The following GOLM2 variants were observed in gnomAD, a reference collection of about 807,000 sequenced individuals.
GOLM2 encodes golgi membrane protein 2.
GOLM2 carries 26 observed loss-of-function variants against 55.9 expected under a neutral mutation model. The observed-to-expected ratio is 0.47, with a 90% CI of 0.34 to 0.65. The LOEUF (loss-of-function observed/expected upper bound fraction) is 0.65, where lower values mean the gene tolerates loss of function less well. Ranked by LOEUF, GOLM2 falls within the 30% of genes least tolerant of loss-of-function variation. The pLI, the probability that GOLM2 is intolerant of heterozygous loss-of-function variation, is 0.01. For synonymous variants in GOLM2, 165 were observed against 194.6 expected (o/e 0.85, Z 1.27); for missense variants, 486 against 531.8 (o/e 0.91, Z 0.85).
At chr15:44,358,733 C>T (rs2141168578) in intron 6 of GOLM2, among the ~76,000 whole-genome samples, 1 of 152,184 alleles carries the variant, frequency 6.6e-6, no homozygotes, top group Non-Finnish European at 1.5e-5. Context: ...ATAGAAAATG[C>T]AAAAGTATAA....
At chr15:44,349,544 A>C (rs1253838256) in intron 6 of GOLM2, among the ~76,000 whole-genome samples, 1 of 152,236 alleles carries the variant, frequency 6.6e-6, no homozygotes, top group Non-Finnish European at 1.5e-5. Context: ...ATAATAGCTG[A>C]AGACTTCAAC....
intron 6 of GOLM2, among the ~76,000 whole-genome samples, chr15:44,339,997 T>G (rs1220267982): frequency 6.6e-6 from 1 of 151,816 alleles, no homozygotes; most frequent in Admixed American, 6.6e-5. Flanking sequence ...TTTTTATAGT[T>G]TTTTTGTAGA....
intron 4 of GOLM2, among the ~76,000 whole-genome samples, chr15:44,337,011 T>G (rs1341607827): frequency 1.3e-5 from 2 of 152,212 alleles, no homozygotes; most frequent in Non-Finnish European, 2.9e-5. Flanking sequence ...CTAAGAATTA[T>G]ATTTCATACT....
chr15:44,328,554 T>C, intron 2 of GOLM2, 131 bp from the exon 3 acceptor site: 1 of 568,540 alleles, frequency 1.8e-6, no homozygotes, highest in Middle Eastern at 3.6e-4. Context: ...TGTTATATAA[T>C]TTAATTTCCT....
At chr15:44,390,274 C>G (rs2079478594) in intron 8 of GOLM2, 1 of 152,164 alleles carries the variant, frequency 6.6e-6, no homozygotes, top group Non-Finnish European at 1.5e-5. Context: ...AACTGAAAAT[C>G]CAGGCGAGGC....
At chr15:44,402,783 A>G (rs2079573895) in intron 8 of GOLM2, 104 bp from the exon 9 acceptor site, 1 of 1,113,044 alleles carries the variant, frequency 9.0e-7, no homozygotes. Context: ...CAGTACCCCA[A>G]AAGTTGCCAG....
intron 1 of GOLM2, among the ~76,000 whole-genome samples, chr15:44,299,397 G>C (rs996816671): frequency 2.3e-4 from 35 of 151,834 alleles, no homozygotes; most frequent in African/African-American, 8.5e-4. Context: ...AGTTCAAGTG[G>C]TTCTCCTGCT....
Position 44,319,889 on chromosome 15 carries a change from A to G in GOLM2, c.328-3076A>G, listed in dbSNP as rs531716560. On this transcript the variant is annotated intron_variant, in intron 1 of 9. Coordinates refer to ENST00000299957, the MANE Select transcript of GOLM2 (RefSeq NM_138423.4). The stretch of plus-strand genomic sequence containing the variant: ...CAGGCGTGAGCCACTGCACCTGGCC[A>G]TTTTTGTTTGTTTTACATTTTAAAA... 3.9e-5 allele frequency among the ~76,000 whole-genome samples: 6 copies of G among 152,140 alleles called. No individual in the cohort carries two copies. The South Asian group carries it at 1.2e-3, about 31-fold the overall frequency.
chr15:44,290,652 G>GC (rs2078713937), intron 1 of GOLM2, among the ~76,000 whole-genome samples: 1 of 152,130 alleles, frequency 6.6e-6, no homozygotes, highest in Non-Finnish European at 1.5e-5. Flanking sequence ...TGAAAGTTTG[G>GC]AGTATTAAAG....
Position 44,415,479 on chromosome 15 carries a change from A to G in GOLM2, c.*2073A>G, listed in dbSNP as rs1343221856. On this transcript the variant is annotated 3_prime_UTR_variant, in exon 10 of 10. Coordinates refer to ENST00000299957, the MANE Select transcript of GOLM2 (RefSeq NM_138423.4). ...TTACTTATACAGCAACATTTCTTCA[A>G]TTAGCAGTCTAGACATTTTATAAAC... is the stretch of plus-strand genomic sequence containing the variant. 4 of 152,618 alleles carry G rather than the reference A, an allele frequency of 2.6e-5. No individual in the cohort carries two copies. The highest frequency in any genetic ancestry group is 5.9e-5 in the Non-Finnish European group (4 of 68,028). 9.5% of individuals were successfully genotyped at this position (152,618 alleles called of 1,614,324 possible).
intron 6 of GOLM2, 29 bp from the exon 7 acceptor site, chr15:44,379,661 A>G (rs1372532132): frequency 8.9e-6 from 9 of 1,008,424 alleles, no homozygotes; most frequent in Admixed American, 1.9e-5. Flanking sequence ...ATCAATGGGA[A>G]TAATATGGAT....
rs1595669151 is a variant in GOLM2, at chr15:44,403,193, GC to G, written c.1240+140del. On this transcript the variant is annotated intron_variant, in intron 9 of 9. Coordinates refer to ENST00000299957, the MANE Select transcript of GOLM2 (RefSeq NM_138423.4). ...TGTTTTTTCTTTGTGACGGAATTTC[GC>G]TTTTGTTGCCCAGGCTGGAGTCCAA... 88 of 939,660 alleles carry G rather than the reference GC, an allele frequency of 9.4e-5. No homozygotes were observed. In the East Asian group the frequency reaches 2.3e-3, roughly 25 times the overall value. 58.2% of individuals were successfully genotyped at this position (939,660 alleles called of 1,614,324 possible). A position where few individuals can be genotyped will look rare whatever the true frequency, so the allele number is the denominator to read the frequency against.
intron 6 of GOLM2, among the ~76,000 whole-genome samples, chr15:44,338,575 T>G (rs1407126809): frequency 1.3e-5 from 2 of 152,170 alleles, no homozygotes; most frequent in Non-Finnish European, 2.9e-5. Context: ...CGACTCTGAG[T>G]TTTTGCTTAT....
chr15:44,341,914 T>A (rs1302964915), intron 6 of GOLM2, among the ~76,000 whole-genome samples: 2 of 152,010 alleles, frequency 1.3e-5, no homozygotes, highest in Admixed American at 6.6e-5. Context: ...GTCAGGCTGA[T>A]CCTGAACTCC....
intron 6 of GOLM2, among the ~76,000 whole-genome samples, chr15:44,366,413 A>T (rs969745766): frequency 6.6e-6 from 1 of 152,054 alleles, no homozygotes; most frequent in Non-Finnish European, 1.5e-5. Context: ...AGGCTAAGGC[A>T]GGAGGATCGC....
chr15:44,331,510 T>C (rs2079022147), intron 3 of GOLM2, among the ~76,000 whole-genome samples: 1 of 152,208 alleles, frequency 6.6e-6, no homozygotes, highest in Non-Finnish European at 1.5e-5. Context: ...TCTTTATTAG[T>C]TTCTTTCGTT....
In GOLM2 at chr15:44,308,451, T is replaced by C. The variant is rs141703554; in HGVS notation, c.328-14514T>C. The C allele has an allele frequency of 1.3e-3, 200 of 152,344 alleles. 1 individual carries two copies. Among genetic ancestry groups the C allele is most frequent in the African/African-American group, 4.6e-3 (191 of 41,578 alleles). The allele number at this position is 152,344 out of a possible 1,614,324, so 9.4% of individuals were successfully genotyped here. A position where few individuals can be genotyped will look rare whatever the true frequency, so the allele number is the denominator to read the frequency against. On this transcript the variant is annotated intron_variant, in intron 1 of 9. Transcript: ENST00000299957. ...TTATGTGTATATACCATGTTTTGCT[T>C]TTCATTCATCTGTTGATGAACACTT...
Position 44,304,230 on chromosome 15 carries a change from C to CTTTTTT in GOLM2, c.327+14898_327+14903dup, listed in dbSNP as rs895623812. ...TCAGTCACGTCTTCAGGCTCCACTT[C>CTTTTTT]TTTTTTTTTTTTTTTTTTTTTTTTT... On this transcript the variant is annotated intron_variant, in intron 1 of 9. Transcript: ENST00000299957. 2.7e-4 allele frequency among the ~76,000 whole-genome samples: 22 copies of CTTTTTT among 82,872 alleles called. 1 individual carries two copies. Among genetic ancestry groups the CTTTTTT allele is most frequent in the Non-Finnish European group, 3.5e-4 (15 of 42,608 alleles). The allele number at this position is 82,872 out of a possible 152,430, so 54.4% of individuals were successfully genotyped here.
chr15:44,330,237 G>T (rs1486535703), intron 3 of GOLM2, among the ~76,000 whole-genome samples: 2 of 140,956 alleles, frequency 1.4e-5, no homozygotes, highest in Admixed American at 7.0e-5. Context: ...AAAAAGCTGA[G>T]TGCAGTGGCT....
Sources: gnomAD v4.1 joint callset for allele counts (sites outside exome capture counted in the v4.1 genomes callset) on GRCh38, gnomAD v4.1.1 for gene constraint, MANE v1.5 for transcripts, NCBI Gene and HGNC (gene_info 2026-07-23, HGNC 2026-07-21) for gene names.